The following VSIG1 variants were observed in gnomAD, a reference collection of about 807,000 sequenced individuals.
VSIG1 encodes the protein V-set and immunoglobulin domain-containing protein 1.
A neutral mutation model predicts 20.1 loss-of-function variants in VSIG1; 11 were observed. That is an observed-to-expected ratio of 0.55 (90% CI 0.34 to 0.91). The LOEUF (loss-of-function observed/expected upper bound fraction) is 0.91, where lower values mean the gene tolerates loss of function less well. Ranked by LOEUF, VSIG1 falls within the 40% of genes least tolerant of loss-of-function variation. VSIG1 has a pLI of 0.02. For synonymous variants in VSIG1, 126 were observed against 116.7 expected (o/e 1.08, Z -0.52); for missense variants, 283 against 298.8 (o/e 0.95, Z 0.39).
intron 5 of VSIG1, 105 bp from the exon 6 acceptor site, chrX:108,075,971 AT>A: frequency 9.6e-7 from 1 of 1,036,326 alleles, no homozygotes; most frequent in Non-Finnish European, 1.3e-6. Flanking sequence ...TATACAAGTC[AT>A]TTTCCCACTA....
At chrX:108,019,965 C>T in the VSIG1 span, among the ~76,000 whole-genome samples, 1,169 of 111,449 alleles carry the variant, frequency 0.01, 14 homozygotes, top group African/African-American at 0.036. Flanking sequence ...GGCTCCCAGC[C>T]GATCTTGGTT....
the VSIG1 span, among the ~76,000 whole-genome samples, chrX:108,038,491 C>T: frequency 8.9e-6 from 1 of 112,048 alleles, no homozygotes; most frequent in Non-Finnish European, 1.9e-5. Context: ...CCATTTGACT[C>T]AGCAATCCCA....
the VSIG1 span, among the ~76,000 whole-genome samples, chrX:108,036,448 G>C: frequency 9.0e-6 from 1 of 110,960 alleles, no homozygotes; most frequent in African/African-American, 3.3e-5. Context: ...TTGCTTAGGA[G>C]TAGGCTTCCC....
chrX:108,058,168 T>G lies in VSIG1; in HGVS notation c.180T>G (p.Ser60=). 1 of 1,210,036 alleles carries G rather than the reference T, an allele frequency of 8.3e-7. No individual in the cohort carries two copies. The highest frequency in any genetic ancestry group is 1.1e-6 in the Non-Finnish European group (1 of 894,781). ...ASREQLSIQW[S]FFHKKEMEPI... ...GAGAACAGCTTTCCATCCAGTGGTC[T>G]TTCTTCCATAAGAAGGAGATGGAGC... The change falls in exon 2 of 7, where the codon TCT becomes TCG. Residue 60 remains serine (S), a synonymous_variant. Coordinates refer to ENST00000217957, the MANE Select transcript of VSIG1 (RefSeq NM_182607.5).
At chrX:108,053,258 C>A (rs1317666456) in intron 1 of VSIG1, among the ~76,000 whole-genome samples, 3 of 112,117 alleles carry the variant, frequency 2.7e-5, no homozygotes, top group African/African-American at 9.7e-5. Flanking sequence ...TCTTTTAACT[C>A]ATGAGTTCTA....
At chrX:108,032,247 C>A in the VSIG1 span, among the ~76,000 whole-genome samples, 3 of 112,389 alleles carry the variant, frequency 2.7e-5, no homozygotes, top group Admixed American at 1.9e-4. Flanking sequence ...TAAGAGAATG[C>A]AAGAAGTATT....
At chrX:108,041,363 G>T (rs2030476617), upstream of VSIG1, among the ~76,000 whole-genome samples, 1 of 111,454 alleles carries the variant, frequency 9.0e-6, no homozygotes, top group South Asian at 3.8e-4. Flanking sequence ...ACCAATAAGA[G>T]AATGATTAAA....
chrX:108,055,412 C>T (rs1225380524), intron 1 of VSIG1, among the ~76,000 whole-genome samples: 1 of 111,880 alleles, frequency 8.9e-6, no homozygotes, highest in Non-Finnish European at 1.9e-5. Flanking sequence ...TTTACACATT[C>T]TCTTCCAAAA....
At chrX:108,043,723 C>A (rs1214837546), upstream of VSIG1, among the ~76,000 whole-genome samples, 1 of 111,610 alleles carries the variant, frequency 9.0e-6, no homozygotes, top group Non-Finnish European at 1.9e-5. Flanking sequence ...ATGATGGAAG[C>A]AAAATGGCTT....
chrX:108,027,691 C>T, the VSIG1 span, among the ~76,000 whole-genome samples: 1 of 111,430 alleles, frequency 9.0e-6, no homozygotes, highest in Non-Finnish European at 1.9e-5. Flanking sequence ...CCTATAGACT[C>T]CTAATAGATG....
chrX:108,058,484 A>G (rs765341291), intron 2 of VSIG1, among the ~76,000 whole-genome samples: 7 of 112,065 alleles, frequency 6.2e-5, no homozygotes, highest in African/African-American at 2.3e-4. Flanking sequence ...TTCTTCTCAT[A>G]GGTGAAATTA....
chrX:108,043,465 G>A (rs985949891), upstream of VSIG1, among the ~76,000 whole-genome samples: 1 of 112,305 alleles, frequency 8.9e-6, no homozygotes, highest in African/African-American at 3.2e-5. Context: ...TAATAAATGC[G>A]AAACTACTGG....
At chrX:108,023,231 C>T in the VSIG1 span, among the ~76,000 whole-genome samples, 1 of 111,524 alleles carries the variant, frequency 9.0e-6, no homozygotes, top group East Asian at 2.8e-4. Context: ...TGATCATGTG[C>T]CCCCTCTTTA....
intron 2 of VSIG1, among the ~76,000 whole-genome samples, chrX:108,059,037 C>G (rs958693365): frequency 5.4e-5 from 6 of 111,576 alleles, no homozygotes; most frequent in African/African-American, 2.0e-4. Flanking sequence ...CTACACATAT[C>G]CCTTGATGGA....
At chrX:108,039,810 G>A in the VSIG1 span, among the ~76,000 whole-genome samples, 2 of 111,248 alleles carry the variant, frequency 1.8e-5, no homozygotes, top group South Asian at 3.8e-4. Context: ...ATGAGAAAAC[G>A]AGAAGACTCA....
chrX:108,020,565 T>C, the VSIG1 span, among the ~76,000 whole-genome samples: 2 of 112,006 alleles, frequency 1.8e-5, no homozygotes, highest in Non-Finnish European at 3.8e-5. Context: ...TTGTTTCTTG[T>C]GTATGTACAT....
chrX:108,026,293 G>A, the VSIG1 span, among the ~76,000 whole-genome samples: 16 of 111,609 alleles, frequency 1.4e-4, no homozygotes, highest in African/African-American at 4.9e-4. Flanking sequence ...GCAGTAACCA[G>A]GTTGTCTTTA....
In VSIG1 at chrX:108,058,128, C is replaced by T; in HGVS notation, c.140C>T (p.Thr47Ile). The T allele has an allele frequency of 8.3e-7, 1 of 1,211,006 alleles. No homozygotes were observed. The highest frequency in any genetic ancestry group is 1.1e-6 in the Non-Finnish European group (1 of 895,000). Residue 47 changes from threonine (T) to isoleucine (I), a missense_variant, in exon 2 of 7, where the codon ACC becomes ATC. Physicochemically the swap from Thr to Ile is moderately conservative, Grantham distance 89. Coordinates refer to ENST00000217957, the MANE Select transcript of VSIG1 (RefSeq NM_182607.5). Reference sequence around the variant, plus strand: ...GTCACTCTCATCTGCATCTACACCACCACTGTGGCCTCCCGAGAACAGCTT... The same window carrying T: ...GTCACTCTCATCTGCATCTACACCATCACTGTGGCCTCCCGAGAACAGCTT... Reference protein sequence around the residue: ...SNVTLICIYTTTVASREQLSI... With the variant: ...SNVTLICIYTITVASREQLSI...
chrX:108,035,396 T>A, the VSIG1 span, among the ~76,000 whole-genome samples: 53 of 111,530 alleles, frequency 4.8e-4, no homozygotes, highest in South Asian at 1.9e-3. Flanking sequence ...CTTTTTTTTT[T>A]AAAGATATTT....
Sources: allele counts gnomAD v4.1 joint callset (sites outside exome capture counted in the v4.1 genomes callset), GRCh38; gene constraint gnomAD v4.1.1; transcripts MANE v1.5; gene names NCBI Gene and HGNC (gene_info 2026-07-23, HGNC 2026-07-21).